RYR3: variants seen among roughly 807,000 people sequenced by gnomAD.
The protein encoded by RYR3 is brain ryanodine receptor-calcium release channel.
Under a neutral mutation model 584.3 loss-of-function variants are expected in RYR3, and 207 were observed. The observed-to-expected ratio is 0.35, with a 90% CI of 0.32 to 0.40. The LOEUF is 0.40. Ranked by LOEUF, RYR3 falls within the 10% of genes least tolerant of loss-of-function variation. The pLI is 1.00. For synonymous variants in RYR3, 2,416 were observed against 2,248.5 expected (o/e 1.07, Z -2.11); for missense variants, 5,616 against 6,089.2 (o/e 0.92, Z 2.59).
chr15:33,435,415 C>T (rs1276369434), intron 1 of RYR3, among the ~76,000 whole-genome samples: 2 of 152,130 alleles, frequency 1.3e-5, no homozygotes, highest in African/African-American at 2.4e-5. Flanking sequence ...ATACATTTAT[C>T]ATTATGCTTT....
At chr15:33,350,517 TCTC>T (rs1784029288) in intron 1 of RYR3, among the ~76,000 whole-genome samples, 1 of 133,776 alleles carries the variant, frequency 7.5e-6, no homozygotes, top group East Asian at 2.1e-4. Context: ...GAAGTAAAGC[TCTC>T]CTCAGCAAAT....
At chr15:33,835,117 A>G in intron 87 of RYR3, 45 bp downstream of exon 87, 1 of 1,412,312 alleles carries the variant, frequency 7.1e-7, no homozygotes, top group African/African-American at 1.4e-5. Flanking sequence ...GTGAAATGCT[A>G]AGTCAGTCCT....
chr15:33,418,750 C>G lies in RYR3; in HGVS notation c.52-54669C>G, dbSNP rs937220451. Among the ~76,000 whole-genome samples, 9 of 152,194 alleles carry G rather than the reference C, an allele frequency of 5.9e-5. 1 individual carries two copies. Among genetic ancestry groups the G allele is most frequent in the Admixed American group, 1.3e-4 (2 of 15,278 alleles). ...AAAAACCAAGCCCTAACTTTACACA[C>G]TGGGGGTAGAGATAAAGCCAAGGGG... On this transcript the variant is annotated intron_variant, in intron 1 of 103. Transcript: ENST00000634891.
chr15:33,399,941 C>T (rs1246977996), intron 1 of RYR3, among the ~76,000 whole-genome samples: 1 of 151,980 alleles, frequency 6.6e-6, no homozygotes, highest in Admixed American at 6.6e-5. Context: ...AACAGAGCAC[C>T]TCAATGAATT....
At chr15:33,497,852 A>G (rs1046911411) in intron 2 of RYR3, among the ~76,000 whole-genome samples, 1 of 152,004 alleles carries the variant, frequency 6.6e-6, no homozygotes, top group Non-Finnish European at 1.5e-5. Context: ...ACATCCATTA[A>G]CCAGCCTCCC....
intron 1 of RYR3, among the ~76,000 whole-genome samples, chr15:33,420,477 C>A (rs1049678023): frequency 1.6e-4 from 25 of 152,108 alleles, no homozygotes; most frequent in African/African-American, 6.0e-4. Context: ...TTCTTGTAGA[C>A]CATTCCATTC....
chr15:33,587,312 A>G (rs1027873990), intron 16 of RYR3, among the ~76,000 whole-genome samples: 4 of 152,196 alleles, frequency 2.6e-5, no homozygotes, highest in Non-Finnish European at 5.9e-5. Context: ...CACCTGAGCA[A>G]CACGTGCTAG....
intron 19 of RYR3, among the ~76,000 whole-genome samples, chr15:33,623,090 G>A (rs755074743): frequency 1.2e-4 from 18 of 152,180 alleles, no homozygotes; most frequent in Non-Finnish European, 2.4e-4. Context: ...CAGGAGGTGG[G>A]CCAGGGTGTC....
chr15:33,483,458 T>C (rs1596324016), intron 2 of RYR3, among the ~76,000 whole-genome samples: 2 of 152,216 alleles, frequency 1.3e-5, no homozygotes, highest in South Asian at 4.1e-4. Flanking sequence ...TATTTTGTTG[T>C]AGCTGGCAGT....
chr15:33,385,659 A>G (rs551123014), intron 1 of RYR3, among the ~76,000 whole-genome samples: 1 of 151,232 alleles, frequency 6.6e-6, no homozygotes, highest in South Asian at 2.1e-4. Context: ...TTCAAGAAAT[A>G]TGCTGACACT....
intron 1 of RYR3, among the ~76,000 whole-genome samples, chr15:33,425,687 G>A (rs2044565620): frequency 1.5e-5 from 2 of 133,958 alleles, no homozygotes; most frequent in African/African-American, 6.0e-5. Context: ...TGTGGCCCAG[G>A]CTGGAGTGAA....
At chr15:33,400,570 C>G (rs2042588901) in intron 1 of RYR3, among the ~76,000 whole-genome samples, 13 of 152,158 alleles carry the variant, frequency 8.5e-5, no homozygotes, top group Admixed American at 8.5e-4. Flanking sequence ...TTTGAAATTT[C>G]TTCGTGGAGA....
chr15:33,440,602 CA>C (rs1338919028), intron 1 of RYR3, among the ~76,000 whole-genome samples: 1 of 152,118 alleles, frequency 6.6e-6, no homozygotes. Context: ...TGATCTGATC[CA>C]AAATGTCAGT....
chr15:33,794,128 T>TAATATATG (rs1491241987), intron 67 of RYR3, among the ~76,000 whole-genome samples: 2 of 97,760 alleles, frequency 2.0e-5, no homozygotes, highest in South Asian at 5.7e-4. Flanking sequence ...TAAATATATA[T>TAATATATG]TTATATATAA....
chr15:33,613,523 A>G lies in RYR3; in HGVS notation c.2357+148A>G, dbSNP rs2152568379. On this transcript the variant is annotated intron_variant, in intron 19 of 103. Coordinates refer to ENST00000634891, the MANE Select transcript of RYR3 (RefSeq NM_001036.6). ...AGTGATGGTGCAAGGGCAAGAGCCA[A>G]CTAGAGTCATTTGCTCCATCTCTAC... The G allele has an allele frequency of 7.7e-6, 6 of 774,458 alleles. 1 individual carries two copies. In the South Asian group the frequency reaches 8.1e-5, roughly 10 times the overall value. 48.0% of individuals were successfully genotyped at this position (774,458 alleles called of 1,614,324 possible). A position where few individuals can be genotyped will look rare whatever the true frequency, so the allele number is the denominator to read the frequency against.
chr15:33,563,575 G>A (rs772814759), intron 11 of RYR3, among the ~76,000 whole-genome samples: 3 of 152,120 alleles, frequency 2.0e-5, no homozygotes, highest in South Asian at 2.1e-4. Context: ...GTCAATTGCC[G>A]TAACAGTGTT....
chr15:33,659,051 T>C (rs2062990885), intron 32 of RYR3, among the ~76,000 whole-genome samples: 1 of 152,134 alleles, frequency 6.6e-6, no homozygotes, highest in Non-Finnish European at 1.5e-5. Flanking sequence ...CACAGAACAT[T>C]TGGCAATGTT....
intron 102 of RYR3, among the ~76,000 whole-genome samples, chr15:33,862,483 G>A (rs930384443): frequency 4.6e-5 from 7 of 152,096 alleles, no homozygotes; most frequent in Non-Finnish European, 8.8e-5. Flanking sequence ...CTGGGATTAC[G>A]GGTGTGAGCC....
intron 12 of RYR3, among the ~76,000 whole-genome samples, chr15:33,571,871 C>T (rs1595652640): frequency 6.6e-6 from 1 of 152,038 alleles, no homozygotes; most frequent in East Asian, 1.9e-4. Flanking sequence ...TTTTTTGGTC[C>T]TCTATTCCTC....
Sources: gnomAD v4.1 joint callset for allele counts (sites outside exome capture counted in the v4.1 genomes callset) on GRCh38, gnomAD v4.1.1 for gene constraint, MANE v1.5 for transcripts, NCBI Gene and HGNC (gene_info 2026-07-23, HGNC 2026-07-21) for gene names.